Variants in KYNU observed in about 807,000 individuals in gnomAD.
KYNU encodes kynureninase, also known as L-kynurenine hydrolase.
In KYNU, 54 loss-of-function variants were observed where a neutral mutation model predicts 59.2. The observed-to-expected ratio is 0.91, with a 90% CI of 0.73 to 1.14. The LOEUF is 1.14. Ranked by LOEUF, KYNU falls within the 50% of genes most tolerant of loss-of-function variation. The probability of loss-of-function intolerance (pLI) is 0.00; values close to 1 mark genes in which losing one functional copy is unlikely to be tolerated. For synonymous variants in KYNU, 177 were observed against 192.0 expected (o/e 0.92, Z 0.65); for missense variants, 567 against 554.4 (o/e 1.02, Z -0.23).
chr2:142,964,258 T>A (rs1317374814), intron 8 of KYNU, among the ~76,000 whole-genome samples: 1 of 152,122 alleles, frequency 6.6e-6, no homozygotes, highest in East Asian at 1.9e-4. Flanking sequence ...CTCTAAATAT[T>A]CACATAAATT....
At position 143,046,924 on chromosome 2, in the gene KYNU, A is replaced by G. The variant is rs758728996; in HGVS notation, c.*4752A>G. The G allele has an allele frequency of 5.3e-5, 8 of 152,180 alleles. No individual in the cohort carries two copies. The highest frequency in any genetic ancestry group is 1.0e-4 in the Non-Finnish European group (7 of 68,020). 9.4% of individuals were successfully genotyped at this position (152,180 alleles called of 1,614,324 possible). A position where few individuals can be genotyped will look rare whatever the true frequency, so the allele number is the denominator to read the frequency against. ...ACTCAATAGTGAGCCTTCCTACCCAAGACCATGGCATTTATTTTCATTTAT... is the reference window on the plus strand; with the variant it reads ...ACTCAATAGTGAGCCTTCCTACCCAGGACCATGGCATTTATTTTCATTTAT... On this transcript the variant is annotated 3_prime_UTR_variant, in exon 14 of 14. Transcript: ENST00000264170.
At chr2:143,037,489 G>A (rs1686922465) in intron 12 of KYNU, among the ~76,000 whole-genome samples, 1 of 152,140 alleles carries the variant, frequency 6.6e-6, no homozygotes. Context: ...CGAGTCAGAA[G>A]ACTCAACAAA....
intron 6 of KYNU, among the ~76,000 whole-genome samples, chr2:142,956,573 T>G (rs2105088520): frequency 6.6e-6 from 1 of 152,328 alleles, no homozygotes; most frequent in Non-Finnish European, 1.5e-5. Context: ...TTATTAATTC[T>G]TATTGCTCTT....
chr2:142,957,780 C>T lies in KYNU; in HGVS notation c.582+65C>T, dbSNP rs1684219224. ...AGTATTGATTTTTTTCTTCATTTTC[C>T]TCAAAAGTTTATTAAAATCTTCATT... is the stretch of plus-strand genomic sequence containing the variant. On this transcript the variant is annotated intron_variant, in intron 7 of 13. Transcript: ENST00000264170. The T allele has an allele frequency of 2.9e-6, 3 of 1,043,524 alleles. No homozygotes were observed. The South Asian group carries it at 3.9e-5, about 14-fold the overall frequency. 64.6% of individuals were successfully genotyped at this position (1,043,524 alleles called of 1,614,324 possible). A position where few individuals can be genotyped will look rare whatever the true frequency, so the allele number is the denominator to read the frequency against.
At chr2:142,914,419 C>T (rs1358698436) in intron 2 of KYNU, among the ~76,000 whole-genome samples, 1 of 152,204 alleles carries the variant, frequency 6.6e-6, no homozygotes, top group East Asian at 1.9e-4. Context: ...GCAGCATATA[C>T]TAGCTACTTC....
chr2:142,917,490 T>G (rs1455546598), intron 2 of KYNU, among the ~76,000 whole-genome samples: 1 of 151,796 alleles, frequency 6.6e-6, no homozygotes, highest in African/African-American at 2.4e-5. Flanking sequence ...TAAATAGAGA[T>G]GGAGTCTCAC....
chr2:142,972,796 A>T (rs1046541378), intron 8 of KYNU, among the ~76,000 whole-genome samples: 5 of 118,710 alleles, frequency 4.2e-5, no homozygotes, highest in Admixed American at 8.5e-5. Flanking sequence ...GAGGCCATAT[A>T]TATATATATA....
chr2:142,994,845 G>A (rs1685499600), intron 10 of KYNU, among the ~76,000 whole-genome samples: 2 of 152,116 alleles, frequency 1.3e-5, no homozygotes, highest in South Asian at 4.1e-4. Flanking sequence ...TCTAGCATAT[G>A]GAAGCATTTC....
rs770320154 is a variant in KYNU at position 143,042,146 on chromosome 2, C to A, written c.1372C>A (p.Leu458Ile). Residue 458 changes from leucine to isoleucine, a missense_variant, in exon 14 of 14, where the codon CTT becomes ATT. By Grantham distance (5) the Leu-to-Ile change is conservative. Coordinates refer to ENST00000264170, the MANE Select transcript of KYNU (RefSeq NM_003937.3). ...ATTTACCAATCTGCTCACTTCTATA[C>A]TTGACTCTGCAGAAACAAAAAATTA... Reference protein sequence around the residue: ...YKFTNLLTSILDSAETKN With the variant: ...YKFTNLLTSIIDSAETKN The A allele has an allele frequency of 1.9e-6, 3 of 1,609,852 alleles. No homozygotes were observed. Among genetic ancestry groups the A allele is most frequent in the East Asian group, 2.2e-5 (1 of 44,810 alleles).
At chr2:143,032,733 G>GTGTGTGTGTGTGTC (rs1426569918) in intron 11 of KYNU, among the ~76,000 whole-genome samples, 1 of 151,324 alleles carries the variant, frequency 6.6e-6, no homozygotes, top group Non-Finnish European at 1.5e-5. Context: ...GTGTGTGTGT[G>GTGTGTGTGTGTGTC]TGTGTGTGTC....
chr2:142,950,414 C>T (rs1175262692), intron 4 of KYNU, among the ~76,000 whole-genome samples: 1 of 152,220 alleles, frequency 6.6e-6, no homozygotes, highest in African/African-American at 2.4e-5. Context: ...AGAGAACTCA[C>T]AGTTCCACCT....
At chr2:142,994,345 C>A (rs1309020266) in intron 10 of KYNU, among the ~76,000 whole-genome samples, 1 of 152,078 alleles carries the variant, frequency 6.6e-6, no homozygotes, top group African/African-American at 2.4e-5. Context: ...ATATTACTCA[C>A]AACAAACTTC....
At chr2:142,980,586 T>C (rs1258693277) in intron 8 of KYNU, among the ~76,000 whole-genome samples, 1 of 152,050 alleles carries the variant, frequency 6.6e-6, no homozygotes, top group Admixed American at 6.6e-5. Context: ...TATAATCAAA[T>C]GTATGATTTA....
chr2:143,020,881 G>T (rs1186010071), intron 10 of KYNU, among the ~76,000 whole-genome samples: 2 of 152,084 alleles, frequency 1.3e-5, no homozygotes, highest in African/African-American at 4.8e-5. Context: ...TTTCACAGAG[G>T]TGCATCACAT....
chr2:142,893,204 G>A (rs1369601051), intron 2 of KYNU, among the ~76,000 whole-genome samples: 1 of 152,200 alleles, frequency 6.6e-6, no homozygotes, highest in Non-Finnish European at 1.5e-5. Context: ...TGTGGGTACG[G>A]ATGATATTAT....
intron 1 of KYNU, among the ~76,000 whole-genome samples, chr2:142,884,353 G>C (rs1188913162): frequency 6.6e-6 from 1 of 152,172 alleles, no homozygotes; most frequent in Non-Finnish European, 1.5e-5. Flanking sequence ...AAAGGATTTT[G>C]TTCAGGTTCA....
At chr2:142,918,843 C>G (rs978246254) in intron 3 of KYNU, 114 bp downstream of exon 3, 1 of 1,229,242 alleles carries the variant, frequency 8.1e-7, no homozygotes, top group African/African-American at 1.5e-5. Flanking sequence ...ACAGTCATCC[C>G]TTGGCATCTG....
intron 8 of KYNU, among the ~76,000 whole-genome samples, chr2:142,963,585 A>G (rs1375889778): frequency 6.6e-6 from 1 of 152,132 alleles, no homozygotes; most frequent in Non-Finnish European, 1.5e-5. Context: ...CTTAATCATG[A>G]CTTAATCATT....
chr2:142,990,852 T>C (rs1369821510), intron 10 of KYNU, among the ~76,000 whole-genome samples: 1 of 151,904 alleles, frequency 6.6e-6, no homozygotes, highest in Non-Finnish European at 1.5e-5. Context: ...AGTGATGACA[T>C]TTTAAAGGCC....
Sources: allele counts gnomAD v4.1 joint callset (sites outside exome capture counted in the v4.1 genomes callset), GRCh38; gene constraint gnomAD v4.1.1; transcripts MANE v1.5; gene names NCBI Gene and HGNC (gene_info 2026-07-23, HGNC 2026-07-21).